The following NRG3 variants were observed in gnomAD, a reference collection of about 807,000 sequenced individuals.
The protein encoded by NRG3 is neuregulin 3, also known as pro-neuregulin-3, membrane-bound isoform.
A neutral mutation model predicts 66.9 loss-of-function variants in NRG3; 31 were observed. That is an observed-to-expected ratio of 0.46 (90% CI 0.35 to 0.63). The LOEUF is 0.63. Among genes scored for constraint, NRG3 ranks in the 20% least tolerant of loss-of-function variants. NRG3 has a pLI of 0.00. For missense variants in NRG3, 910 were observed against 878.9 expected (o/e 1.04, Z -0.45); for synonymous variants, 393 against 359.4 (o/e 1.09, Z -1.06).
At chr10:81,940,093 C>T (rs76427626) in intron 1 of NRG3, among the ~76,000 whole-genome samples, 4,918 of 152,014 alleles carry the variant, frequency 0.032, 104 homozygotes, top group Non-Finnish European at 0.047. Flanking sequence ...CTTTTGCTGT[C>T]GATTTCTAGT....
chr10:81,937,105 A>G (rs1358317175), intron 1 of NRG3, among the ~76,000 whole-genome samples: 1 of 152,040 alleles, frequency 6.6e-6, no homozygotes, highest in Admixed American at 6.6e-5. Flanking sequence ...ATATAACAGG[A>G]TTTTCTTCTT....
chr10:82,840,950 C>G (rs371116940), intron 3 of NRG3, among the ~76,000 whole-genome samples: 1 of 151,868 alleles, frequency 6.6e-6, no homozygotes, highest in African/African-American at 2.4e-5. Flanking sequence ...GTACCTGTAT[C>G]GTAATGTAAT....
chr10:82,354,013 A>G (rs1410410582), intron 1 of NRG3, among the ~76,000 whole-genome samples: 1 of 134,888 alleles, frequency 7.4e-6, no homozygotes, highest in African/African-American at 2.9e-5. Context: ...TCACTATAAC[A>G]CTTTTTTTTT....
chr10:82,399,784 A>T (rs1196990981), intron 2 of NRG3, among the ~76,000 whole-genome samples: 1 of 152,236 alleles, frequency 6.6e-6, no homozygotes, highest in East Asian at 1.9e-4. Flanking sequence ...AGGCATTGAG[A>T]GTGGAGATTT....
intron 1 of NRG3, among the ~76,000 whole-genome samples, chr10:82,012,219 G>T: frequency 6.6e-6 from 1 of 152,298 alleles, no homozygotes; most frequent in East Asian, 1.9e-4. Context: ...CATGGCTTGG[G>T]ATTTGCACCC....
chr10:82,358,372 A>C (rs577616325), intron 1 of NRG3, among the ~76,000 whole-genome samples: 19 of 152,290 alleles, frequency 1.2e-4, no homozygotes, highest in Admixed American at 3.3e-4. Flanking sequence ...TTTGGCAGCA[A>C]TAAAGGGAAG....
At chr10:82,378,564 C>A (rs1299230652) in intron 2 of NRG3, among the ~76,000 whole-genome samples, 2 of 151,728 alleles carry the variant, frequency 1.3e-5, no homozygotes, top group Non-Finnish European at 2.9e-5. Flanking sequence ...ACTCTCTTCT[C>A]TTTTTTCTTT....
In NRG3 at chr10:82,985,322, A is replaced by C; in HGVS notation, c.1808A>C (p.Asn603Thr). 6.2e-7 allele frequency: 1 copy of C among 1,613,754 alleles called. No individual in the cohort carries two copies. Among genetic ancestry groups the C allele is most frequent in the Non-Finnish European group, 8.5e-7 (1 of 1,179,936 alleles). The change falls in exon 9 of 9, where the codon AAC (asparagine) becomes ACC (threonine). Residue 603 changes from asparagine to threonine, a missense_variant. By Grantham distance (65) the Asn-to-Thr change is moderately conservative (BLOSUM62 0). Transcript: ENST00000372141. ...SEVKSIKWCK[N>T]SYSADVVNVS... ...GTCAAAAGCATCAAATGGTGCAAAA[A>C]CTCCTATTCAGCTGACGTTGTCAAT...
intron 1 of NRG3, among the ~76,000 whole-genome samples, chr10:81,918,773 C>G (rs1242837664): frequency 1.3e-5 from 2 of 149,936 alleles, no homozygotes; most frequent in African/African-American, 2.5e-5. Context: ...ATTTTACCTG[C>G]TGCAACTGGT....
At chr10:82,781,866 G>A (rs1274341831) in intron 3 of NRG3, among the ~76,000 whole-genome samples, 1 of 151,874 alleles carries the variant, frequency 6.6e-6, no homozygotes, top group Non-Finnish European at 1.5e-5. Context: ...TTAAAGAAAG[G>A]GAAAATGGGT....
intron 1 of NRG3, among the ~76,000 whole-genome samples, chr10:82,047,659 A>G (rs1302927748): frequency 6.6e-6 from 1 of 151,892 alleles, no homozygotes; most frequent in Non-Finnish European, 1.5e-5. Flanking sequence ...CCAAAATGTA[A>G]AGACCATCGA....
chr10:81,895,128 G>A (rs912829874), intron 1 of NRG3, among the ~76,000 whole-genome samples: 6 of 152,038 alleles, frequency 3.9e-5, no homozygotes, highest in Non-Finnish European at 7.4e-5. Context: ...CGGGTTGGTC[G>A]GGCTACACAT....
chr10:82,601,877 A>G (rs1175441627), intron 2 of NRG3, among the ~76,000 whole-genome samples: 1 of 146,498 alleles, frequency 6.8e-6, no homozygotes, highest in African/African-American at 2.5e-5. Flanking sequence ...TATATATATA[A>G]CTATATATAC....
At chr10:82,459,248 G>T (rs1225479527) in intron 2 of NRG3, among the ~76,000 whole-genome samples, 7 of 152,140 alleles carry the variant, frequency 4.6e-5, no homozygotes, top group Non-Finnish European at 1.0e-4. Context: ...CCTTTACCTT[G>T]CATTGCTGTG....
At chr10:82,568,216 T>C (rs1028050397) in intron 2 of NRG3, among the ~76,000 whole-genome samples, 1 of 151,890 alleles carries the variant, frequency 6.6e-6, no homozygotes, top group South Asian at 2.1e-4. Flanking sequence ...AGAGGCAAAG[T>C]CATGAAGGAG....
At chr10:82,438,975 C>T (rs576031036) in intron 2 of NRG3, among the ~76,000 whole-genome samples, 48 of 151,000 alleles carry the variant, frequency 3.2e-4, no homozygotes, top group Non-Finnish European at 5.9e-4. Context: ...TCCTTCTAGT[C>T]GGCCACCTTG....
intron 1 of NRG3, among the ~76,000 whole-genome samples, chr10:82,123,289 A>T (rs1336176213): frequency 3.3e-5 from 5 of 152,138 alleles, no homozygotes; most frequent in African/African-American, 4.8e-5. Context: ...AACTTCAGAG[A>T]CACTCATTTG....
intron 2 of NRG3, among the ~76,000 whole-genome samples, chr10:82,539,214 TGAA>T (rs1324558722): frequency 6.6e-6 from 1 of 152,200 alleles, no homozygotes; most frequent in Admixed American, 6.5e-5. Context: ...CTCCCGGTAA[TGAA>T]GAATGTCTGC....
intron 1 of NRG3, among the ~76,000 whole-genome samples, chr10:82,265,774 T>A (rs886551202): frequency 5.3e-5 from 8 of 152,096 alleles, no homozygotes; most frequent in African/African-American, 1.9e-4. Flanking sequence ...GGGGAGGCTA[T>A]CAGAAGACTG....
Sources: allele counts gnomAD v4.1 joint callset (sites outside exome capture counted in the v4.1 genomes callset), GRCh38; gene constraint gnomAD v4.1.1; transcripts MANE v1.5; gene names NCBI Gene and HGNC (gene_info 2026-07-23, HGNC 2026-07-21).